The following GRIK1 variants were observed in gnomAD, a reference collection of about 807,000 sequenced individuals.
The protein encoded by GRIK1 is glutamate ionotropic receptor kainate type subunit 1.
GRIK1 carries 69 observed loss-of-function variants against 105.7 expected under a neutral mutation model. The ratio of observed to expected loss-of-function variants is 0.65; its 90% confidence interval spans 0.54 to 0.80. GRIK1 has a LOEUF of 0.80. Ranked by LOEUF, GRIK1 falls within the 30% of genes least tolerant of loss-of-function variation. The pLI, the probability that GRIK1 is intolerant of heterozygous loss-of-function variation, is 0.00. For missense variants in GRIK1, 1,109 were observed against 1,167.3 expected (o/e 0.95, Z 0.73); for synonymous variants, 438 against 431.3 (o/e 1.02, Z -0.19).
At chr21:29,834,381 G>A (rs1035113374) in intron 1 of GRIK1, among the ~76,000 whole-genome samples, 3 of 149,550 alleles carry the variant, frequency 2.0e-5, no homozygotes, top group Admixed American at 1.3e-4. Context: ...GATGGTTATC[G>A]AGATAATAGA....
At chr21:29,574,511 G>A (rs1415613365) in intron 14 of GRIK1, among the ~76,000 whole-genome samples, 4 of 152,062 alleles carry the variant, frequency 2.6e-5, no homozygotes, top group African/African-American at 9.7e-5. Flanking sequence ...TTCTGACAAG[G>A]ACCATGATGA....
chr21:29,726,901 T>C (rs1337692616), intron 1 of GRIK1, among the ~76,000 whole-genome samples: 1 of 151,372 alleles, frequency 6.6e-6, no homozygotes, highest in East Asian at 1.9e-4. Context: ...TATTTTGGGG[T>C]CAATTTTTAT....
intron 3 of GRIK1, among the ~76,000 whole-genome samples, chr21:29,676,251 G>T (rs1027744293): frequency 6.6e-6 from 1 of 152,144 alleles, no homozygotes; most frequent in Non-Finnish European, 1.5e-5. Flanking sequence ...CTTCAGAAAG[G>T]GGGAGGATCA....
chr21:29,620,806 G>GATAGAT (rs1247312161), intron 7 of GRIK1, among the ~76,000 whole-genome samples: 7 of 105,228 alleles, frequency 6.7e-5, no homozygotes, highest in Middle Eastern at 4.5e-3. Flanking sequence ...TATATATATA[G>GATAGAT]ATATATATAT....
At chr21:29,613,488 T>C (rs1160693148) in intron 7 of GRIK1, among the ~76,000 whole-genome samples, 2 of 152,202 alleles carry the variant, frequency 1.3e-5, no homozygotes, top group African/African-American at 4.8e-5. Flanking sequence ...GATCTTTGTC[T>C]GATACTCATG....
At chr21:29,843,871 C>T (rs1209713634) in intron 1 of GRIK1, among the ~76,000 whole-genome samples, 5 of 152,296 alleles carry the variant, frequency 3.3e-5, no homozygotes, top group African/African-American at 9.6e-5. Context: ...CCTTCTAGAG[C>T]GATGATTCTT....
intron 15 of GRIK1, among the ~76,000 whole-genome samples, chr21:29,559,177 C>T (rs1380424171): frequency 6.6e-6 from 1 of 152,058 alleles, no homozygotes; most frequent in Admixed American, 6.6e-5. Flanking sequence ...CTTGATTCTG[C>T]AAAAATTCAG....
intron 1 of GRIK1, among the ~76,000 whole-genome samples, chr21:29,795,197 G>T (rs371116769): frequency 6.6e-6 from 1 of 151,418 alleles, no homozygotes; most frequent in Non-Finnish European, 1.5e-5. Context: ...CACCACGCCC[G>T]GCTAATTTTT....
chr21:29,755,477 A>G (rs879493492), intron 1 of GRIK1, among the ~76,000 whole-genome samples: 2 of 152,228 alleles, frequency 1.3e-5, no homozygotes, highest in Non-Finnish European at 2.9e-5. Context: ...GAATACCACT[A>G]TCATTCTCAC....
At chr21:29,596,954 AC>A (rs1273528624) in intron 8 of GRIK1, among the ~76,000 whole-genome samples, 1 of 150,964 alleles carries the variant, frequency 6.6e-6, no homozygotes. Context: ...ATCAATCAAT[AC>A]ACACACACAC....
chr21:29,745,184 T>TG (rs2065020509), intron 1 of GRIK1, among the ~76,000 whole-genome samples: 1 of 152,234 alleles, frequency 6.6e-6, no homozygotes, highest in Non-Finnish European at 1.5e-5. Context: ...AAGGCTCATA[T>TG]GGCAAGGGAC....
In GRIK1 at chr21:29,607,033, C is replaced by T. The variant is rs75874354; in HGVS notation, c.1099-8096G>A. Among the ~76,000 whole-genome samples the T allele has an allele frequency of 5.1e-3, 777 of 152,264 alleles. 3 individuals are homozygous for T. The highest frequency in any genetic ancestry group is 0.018 in the African/African-American group (735 of 41,550). ...AGTATATGAAGTAGTGGGTATTTGA[C>T]TGCTAGGCAAGTCTCATGAACACAG... is the stretch of plus-strand genomic sequence containing the variant. On this transcript the variant is annotated intron_variant, in intron 7 of 17. Transcript: ENST00000327783.
chr21:29,647,143 C>T (rs2062637673), intron 6 of GRIK1, among the ~76,000 whole-genome samples: 1 of 152,180 alleles, frequency 6.6e-6, no homozygotes, highest in Non-Finnish European at 1.5e-5. Context: ...CGTGCCCAGC[C>T]TCTTGTTCTT....
At chr21:29,900,730 G>A (rs1172858846) in intron 1 of GRIK1, among the ~76,000 whole-genome samples, 10 of 152,064 alleles carry the variant, frequency 6.6e-5, no homozygotes, top group African/African-American at 1.9e-4. Context: ...ACAGAGCAAC[G>A]AGACAGAAAA....
chr21:29,889,613 T>C (rs920551731), intron 1 of GRIK1, among the ~76,000 whole-genome samples: 2 of 152,118 alleles, frequency 1.3e-5, no homozygotes, highest in Non-Finnish European at 2.9e-5. Context: ...CTTTTATTCA[T>C]CCTACAAAAT....
chr21:29,840,482 T>C (rs765396801), intron 1 of GRIK1, among the ~76,000 whole-genome samples: 1 of 152,134 alleles, frequency 6.6e-6, no homozygotes, highest in Non-Finnish European at 1.5e-5. Context: ...AAGGGGAGGA[T>C]GAGGCACAAC....
At chr21:29,655,012 A>G (rs976027942) in intron 4 of GRIK1, 149 bp from the exon 5 acceptor site, 3 of 656,562 alleles carry the variant, frequency 4.6e-6, no homozygotes, top group South Asian at 1.8e-5. Context: ...CCTGAGGCCA[A>G]TGAGTGGCTG....
chr21:29,819,802 A>G (rs1157107419), intron 1 of GRIK1, among the ~76,000 whole-genome samples: 1 of 152,006 alleles, frequency 6.6e-6, no homozygotes, highest in East Asian at 1.9e-4. Context: ...AGGTCAAGGG[A>G]TCAAGTTTCC....
chr21:29,920,909 T>C (rs1465515610), intron 1 of GRIK1, among the ~76,000 whole-genome samples: 2 of 151,528 alleles, frequency 1.3e-5, no homozygotes, highest in African/African-American at 4.9e-5. Context: ...CTTCCGTTCA[T>C]ACCATCTGAG....
Sources: gnomAD v4.1 joint callset for allele counts (sites outside exome capture counted in the v4.1 genomes callset) on GRCh38, gnomAD v4.1.1 for gene constraint, MANE v1.5 for transcripts, NCBI Gene and HGNC (gene_info 2026-07-23, HGNC 2026-07-21) for gene names.